The following MOB1B variants were observed in gnomAD, a reference collection of about 807,000 sequenced individuals.
The protein encoded by MOB1B is MOB kinase activator 1B.
MOB1B carries 19 observed loss-of-function variants against 24.4 expected under a neutral mutation model. The ratio of observed to expected loss-of-function variants is 0.78; its 90% CI spans 0.54 to 1.14. The LOEUF (loss-of-function observed/expected upper bound fraction) is 1.14. Among genes scored for constraint, MOB1B ranks in the 50% most tolerant of loss-of-function variants. MOB1B has a pLI of 0.00. For missense variants in MOB1B, 243 were observed against 259.6 expected (o/e 0.94, Z 0.44); for synonymous variants, 76 against 82.1 (o/e 0.93, Z 0.40).
chr4:70,925,187 G>T (rs1736599176), intron 1 of MOB1B, among the ~76,000 whole-genome samples: 2 of 152,190 alleles, frequency 1.3e-5, no homozygotes, highest in East Asian at 3.9e-4. Flanking sequence ...GAGACTTACA[G>T]GTGTGTGCCC....
intron 1 of MOB1B, among the ~76,000 whole-genome samples, chr4:70,921,273 G>C (rs1736425608): frequency 6.6e-6 from 1 of 152,040 alleles, no homozygotes; most frequent in South Asian, 2.1e-4. Flanking sequence ...ATTCTATGCA[G>C]TCAAGAAATC....
At chr4:70,958,667 G>C (rs753975174) in intron 1 of MOB1B, 3 of 679,244 alleles carry the variant, frequency 4.4e-6, no homozygotes, top group Non-Finnish European at 8.2e-6. Context: ...AGAGGTGTTA[G>C]TTACAGCTTA....
intron 1 of MOB1B, among the ~76,000 whole-genome samples, chr4:70,912,955 C>T (rs532662331): frequency 6.6e-6 from 1 of 152,212 alleles, no homozygotes; most frequent in East Asian, 1.9e-4. Context: ...TAGGGTTTCA[C>T]CGTATTGCCC....
intron 2 of MOB1B, among the ~76,000 whole-genome samples, chr4:70,966,732 T>A (rs1489311394): frequency 6.6e-6 from 1 of 151,970 alleles, no homozygotes; most frequent in Non-Finnish European, 1.5e-5. Flanking sequence ...TGCATGCCTA[T>A]AGTCCTAATT....
intron 3 of MOB1B, among the ~76,000 whole-genome samples, chr4:70,973,397 G>T (rs1483678498): frequency 6.7e-6 from 1 of 149,008 alleles, no homozygotes; most frequent in Admixed American, 6.8e-5. Flanking sequence ...TTGCGCCCAG[G>T]AGTTCAAGGG....
intron 1 of MOB1B, among the ~76,000 whole-genome samples, chr4:70,939,038 T>TGAAC (rs1170801128): frequency 3.9e-5 from 6 of 152,336 alleles, no homozygotes; most frequent in African/African-American, 1.4e-4. Flanking sequence ...TGAGAGCTGC[T>TGAAC]GAACAGTCAA....
At chr4:70,977,620 T>A (rs1739057103) in intron 4 of MOB1B, among the ~76,000 whole-genome samples, 1 of 152,142 alleles carries the variant, frequency 6.6e-6, no homozygotes, top group Admixed American at 6.5e-5. Context: ...ATAGTTACCC[T>A]TTTTCCCCCT....
At chr4:70,951,502 A>T (rs1737802681) in intron 1 of MOB1B, among the ~76,000 whole-genome samples, 1 of 152,258 alleles carries the variant, frequency 6.6e-6, no homozygotes, top group Non-Finnish European at 1.5e-5. Context: ...TGGGAAAACA[A>T]ATGTGAATAT....
At chr4:70,902,800 C>A (rs566175952) in intron 1 of MOB1B, among the ~76,000 whole-genome samples, 11 of 152,340 alleles carry the variant, frequency 7.2e-5, no homozygotes, top group South Asian at 4.1e-4. Flanking sequence ...CCCGGCACAC[C>A]CCGGGGCCAG....
In MOB1B at chr4:70,950,754, A is replaced by G. The variant is rs1014814469; in HGVS notation, c.15-8120A>G. Reference sequence around the variant, plus strand: ...TTCAGTTAACAAGTATTTATCGAATACCTGATCTGTAGTGTTGGACTTAGA... The same window carrying G: ...TTCAGTTAACAAGTATTTATCGAATGCCTGATCTGTAGTGTTGGACTTAGA... On this transcript the variant is annotated intron_variant, in intron 1 of 5. Coordinates refer to ENST00000309395, the MANE Select transcript of MOB1B (RefSeq NM_173468.4). 3 of 1,534,404 alleles carry G rather than the reference A, an allele frequency of 2.0e-6. No homozygotes were observed. The African/African-American group carries it at 4.1e-5, about 21-fold the overall frequency.
chr4:70,939,136 A>G (rs1737223750), intron 1 of MOB1B, among the ~76,000 whole-genome samples: 1 of 152,188 alleles, frequency 6.6e-6, no homozygotes, highest in African/African-American at 2.4e-5. Context: ...CAATAACACA[A>G]TTTCCTTTCA....
intron 1 of MOB1B, among the ~76,000 whole-genome samples, chr4:70,957,549 T>C: frequency 6.6e-6 from 1 of 151,898 alleles, no homozygotes; most frequent in African/African-American, 2.4e-5. Context: ...ATCCTTTGGC[T>C]TCAGCCTCCT....
chr4:70,922,652 A>G (rs1436214764), intron 1 of MOB1B, among the ~76,000 whole-genome samples: 1 of 152,222 alleles, frequency 6.6e-6, no homozygotes, highest in Admixed American at 6.5e-5. Flanking sequence ...AATTCAGACA[A>G]AATGTATGCT....
At chr4:70,976,571 A>G (rs763688813) in intron 4 of MOB1B, 3 of 985,166 alleles carry the variant, frequency 3.0e-6, no homozygotes, top group Non-Finnish European at 3.6e-6. Context: ...TGATTGTCTC[A>G]AAAAGCTAAG....
chr4:70,944,681 A>G lies in MOB1B; in HGVS notation c.15-14193A>G, dbSNP rs373704835. ...TCTGGGGAGGCCTCAGGAAGCTTAC[A>G]ATCATGGCAGAAGGCAAAAGGGAGA... is the stretch of plus-strand genomic sequence containing the variant. On this transcript the variant is annotated intron_variant, in intron 1 of 5. Coordinates refer to ENST00000309395, the MANE Select transcript of MOB1B (RefSeq NM_173468.4). 3.3e-4 allele frequency among the ~76,000 whole-genome samples: 51 copies of G among 152,274 alleles called. No homozygotes were observed. The South Asian group carries it at 0.01, about 31-fold the overall frequency.
At chr4:70,940,464 A>G (rs1345347048) in intron 1 of MOB1B, among the ~76,000 whole-genome samples, 2 of 152,112 alleles carry the variant, frequency 1.3e-5, no homozygotes, top group Non-Finnish European at 2.9e-5. Context: ...ACTGCAAGGA[A>G]TATCTGTTAT....
chr4:70,957,228 C>A (rs1237017358), intron 1 of MOB1B, among the ~76,000 whole-genome samples: 23 of 142,330 alleles, frequency 1.6e-4, no homozygotes, highest in African/African-American at 6.1e-4. Flanking sequence ...CCTCTGCACT[C>A]CAGCCTGGGT....
At chr4:70,960,526 G>A (rs1031120567) in intron 2 of MOB1B, among the ~76,000 whole-genome samples, 4 of 152,090 alleles carry the variant, frequency 2.6e-5, no homozygotes, top group Non-Finnish European at 5.9e-5. Context: ...TTTGAACTAT[G>A]TCATGGGATT....
chr4:70,905,870 C>A (rs1735716102), intron 1 of MOB1B, among the ~76,000 whole-genome samples: 1 of 149,788 alleles, frequency 6.7e-6, no homozygotes, highest in Non-Finnish European at 1.5e-5. Flanking sequence ...TCCACACCAA[C>A]CTGGACAACA....
Sources: allele counts gnomAD v4.1 joint callset (sites outside exome capture counted in the v4.1 genomes callset), GRCh38; gene constraint gnomAD v4.1.1; transcripts MANE v1.5; gene names NCBI Gene and HGNC (gene_info 2026-07-23, HGNC 2026-07-21).